The following CPSF7 variants were observed in gnomAD, a reference collection of about 807,000 sequenced individuals.
CPSF7 encodes the protein cleavage and polyadenylation specificity factor subunit 7.
Under a neutral mutation model 44.3 loss-of-function variants are expected in CPSF7, and 1 was observed. That is an observed-to-expected ratio of 0.02 (90% confidence interval 0.01 to 0.11). The LOEUF is 0.11. CPSF7 is among the 10% of genes least tolerant of loss of function. The pLI, the probability that CPSF7 is intolerant of heterozygous loss-of-function variation, is 1.00. For missense variants in CPSF7, 443 were observed against 607.2 expected (o/e 0.73, Z 2.84); for synonymous variants, 202 against 222.0 (o/e 0.91, Z 0.80).
In CPSF7 at chr11:61,403,492, GTTCA is replaced by G. The variant is rs1859056006; in HGVS notation, c.*1214_*1217del. On this transcript the variant is annotated 3_prime_UTR_variant, in exon 10 of 10. Transcript: ENST00000439958. The stretch of plus-strand genomic sequence containing the variant: ...GCTGGTCCTTAGAACTCTGAGCTGA[GTTCA>G]TTCAAGTCGGGCTCTGTTTCTTCTG... 1 of 152,176 alleles carries G rather than the reference GTTCA, an allele frequency of 6.6e-6. No individual in the cohort carries two copies. The highest frequency in any genetic ancestry group is 2.4e-5 in the African/African-American group (1 of 41,446). 9.4% of individuals were successfully genotyped at this position (152,176 alleles called of 1,614,324 possible).
At chr11:61,429,773 T>A in intron 1 of CPSF7, 141 bp downstream of exon 1, 1 of 1,546,504 alleles carries the variant, frequency 6.5e-7, no homozygotes, top group Non-Finnish European at 8.7e-7. Context: ...CGGCGCGCTC[T>A]GCCTCCTCCC....
intron 8 of CPSF7, 39 bp downstream of exon 8, chr11:61,411,730 G>C (rs777610589): frequency 7.0e-6 from 11 of 1,580,626 alleles, no homozygotes; most frequent in Non-Finnish European, 1.7e-6. Context: ...GAAGAGTGCT[G>C]CTTGGGGCTG....
chr11:61,424,513 C>T (rs1387253033), intron 2 of CPSF7, among the ~76,000 whole-genome samples: 1 of 152,070 alleles, frequency 6.6e-6, no homozygotes, highest in Non-Finnish European at 1.5e-5. Flanking sequence ...AGTGCAGTGG[C>T]GCAATCTTGG....
rs1860267132 is a variant in CPSF7 at position 61,415,757 on chromosome 11, T to C, written c.966A>G (p.Thr322=). Residue 322 remains threonine (T), a synonymous_variant, in exon 7 of 10, where the codon ACA becomes ACG. Transcript: ENST00000439958. ...GSRDSGPPPS[T]VSEAEFEDIM... is the part of the protein sequence containing the mutation. ...TATCTTCAAATTCGGCTTCACTCAC[T>C]GTAGAGGGTGGAGGGCCCGAATCTC... The C allele has an allele frequency of 3.7e-6, 6 of 1,613,816 alleles. No homozygotes were observed. The highest frequency in any genetic ancestry group is 5.1e-6 in the Non-Finnish European group (6 of 1,179,762).
At chr11:61,421,733 C>T (rs1860898874) in intron 2 of CPSF7, 125 bp from the exon 3 acceptor site, 1 of 674,880 alleles carries the variant, frequency 1.5e-6, no homozygotes, top group Non-Finnish European at 2.5e-6. Context: ...CTTGTCCTAC[C>T]CCAGGAAACA....
chr11:61,429,648 C>T (rs1157958992), intron 1 of CPSF7: 10 of 1,239,380 alleles, frequency 8.1e-6, no homozygotes, highest in Non-Finnish European at 1.0e-5. Flanking sequence ...GCCCCCAAGG[C>T]GGCTCCGGCC....
chr11:61,409,665 T>C (rs548330496), intron 9 of CPSF7, among the ~76,000 whole-genome samples: 1 of 3,898 alleles, frequency 2.6e-4, no homozygotes, highest in African/African-American at 4.8e-4. Context: ...AAATAAACCG[T>C]TTTTTTTTTT....
At position 61,420,541 on chromosome 11, in the gene CPSF7, A is replaced by T; in HGVS notation, c.306T>A (p.Ile102=). ...CCACATCATAGACTCCTATAGAGCG[A>T]ATAACCTGGATCAGCTGCTGGTCTG... The part of the protein sequence containing the change: ...WTTDQQLIQV[I]RSIGVYDVVE... The change falls in exon 4 of 10, where the codon ATT becomes ATA. Residue 102 remains isoleucine (I), a synonymous_variant. Transcript: ENST00000439958. 6.2e-7 allele frequency: 1 copy of T among 1,614,186 alleles called. No individual in the cohort carries two copies. Among genetic ancestry groups the T allele is most frequent in the Non-Finnish European group, 8.5e-7 (1 of 1,180,026 alleles).
Position 61,420,556 on chromosome 11 carries a change from C to G in CPSF7, c.291G>C (p.Gln97His). ...CTATAGAGCGAATAACCTGGATCAG[C>G]TGCTGGTCTGTGGTCCACTGGGGCC... ...GSFSWWTTDQ[Q>H]LIQVIRSIGV... The change falls in exon 4 of 10, where the codon CAG becomes CAC. Residue 97 changes from glutamine to histidine, a missense_variant. Physicochemically the swap from Gln to His is conservative, Grantham distance 24. Transcript: ENST00000439958. 6.2e-7 allele frequency: 1 copy of G among 1,614,088 alleles called. No individual in the cohort carries two copies. The highest frequency in any genetic ancestry group is 1.7e-5 in the Admixed American group (1 of 60,018).
intron 5 of CPSF7, among the ~76,000 whole-genome samples, chr11:61,417,125 T>A (rs1860410670): frequency 6.6e-6 from 1 of 151,926 alleles, no homozygotes; most frequent in African/African-American, 2.4e-5. Context: ...AAGTGAAAGA[T>A]AAGAAAAATT....
At chr11:61,423,345 G>C (rs967047410) in intron 2 of CPSF7, among the ~76,000 whole-genome samples, 1 of 151,692 alleles carries the variant, frequency 6.6e-6, no homozygotes, top group East Asian at 2.0e-4. Context: ...GCTAATTTTT[G>C]TATTTTTAGT....
At chr11:61,413,691 C>T (rs560053811) in intron 7 of CPSF7, among the ~76,000 whole-genome samples, 1 of 151,898 alleles carries the variant, frequency 6.6e-6, no homozygotes, top group East Asian at 1.9e-4. Flanking sequence ...CATTTCCCAA[C>T]TCTGAGTAAT....
chr11:61,429,123 G>A, intron 2 of CPSF7, 59 bp downstream of exon 2: 1 of 1,008,652 alleles, frequency 9.9e-7, no homozygotes, highest in Non-Finnish European at 1.6e-6. Flanking sequence ...CTGCCAGTTT[G>A]CTGAAAATGA....
chr11:61,412,093 G>A (rs1281912280), intron 7 of CPSF7, among the ~76,000 whole-genome samples, 156 bp from the exon 8 acceptor site: 2 of 152,138 alleles, frequency 1.3e-5, no homozygotes, highest in East Asian at 3.8e-4. Context: ...TGTAAAACTG[G>A]ATGACACCTA....
At chr11:61,425,538 CATGTGTGATTTTCAATTT>C (rs1040338465) in intron 2 of CPSF7, among the ~76,000 whole-genome samples, 3 of 152,150 alleles carry the variant, frequency 2.0e-5, no homozygotes, top group African/African-American at 7.2e-5. Flanking sequence ...CAAAAGAGAA[CATGTGTGATTTTCAATTT>C]AAATAAGATC....
intron 5 of CPSF7, among the ~76,000 whole-genome samples, chr11:61,418,192 G>C (rs1382250437): frequency 6.6e-6 from 1 of 152,196 alleles, no homozygotes; most frequent in Non-Finnish European, 1.5e-5. Flanking sequence ...CAAGAGCAAA[G>C]TGGTCCTATT....
intron 2 of CPSF7, 63 bp downstream of exon 2, chr11:61,429,119 G>T: frequency 1.0e-6 from 1 of 991,592 alleles, no homozygotes; most frequent in Non-Finnish European, 1.6e-6. Context: ...ACCACTGCCA[G>T]TTTGCTGAAA....
Position 61,402,909 on chromosome 11 carries a change from A to G in CPSF7, c.*1801T>C, listed in dbSNP as rs1249131861. On this transcript the variant is annotated 3_prime_UTR_variant, in exon 10 of 10. Transcript: ENST00000439958. ...GTAAAAACAAAACAAATGGGGAGAAAAAAATTCTCCGGGTAAACGGCATTT... is the reference window on the plus strand; with the variant it reads ...GTAAAAACAAAACAAATGGGGAGAAGAAAATTCTCCGGGTAAACGGCATTT... The G allele has an allele frequency of 1.3e-5, 2 of 152,490 alleles. No homozygotes were observed. The highest frequency in any genetic ancestry group is 1.3e-4 in the Admixed American group (2 of 15,266). The allele number at this position is 152,490 out of a possible 1,614,324, so 9.4% of individuals were successfully genotyped here. A position where few individuals can be genotyped will look rare whatever the true frequency, so the allele number is the denominator to read the frequency against.
rs180819290 is a variant in CPSF7 at position 61,403,173 on chromosome 11, A to G, written c.*1537T>C. ...CTGCGGGGGACTCCCTCAGTGACTG[A>G]GGGCTATATGAGAAACGTGCTGGGA... On this transcript the variant is annotated 3_prime_UTR_variant, in exon 10 of 10. Coordinates refer to ENST00000439958, the MANE Select transcript of CPSF7 (RefSeq NM_001142565.3). 1.4e-3 allele frequency: 221 copies of G among 152,580 alleles called. No individual in the cohort carries two copies. The highest frequency in any genetic ancestry group is 2.3e-3 in the Non-Finnish European group (155 of 68,012). The allele number at this position is 152,580 out of a possible 1,614,324, so 9.5% of individuals were successfully genotyped here.
Sources: allele counts gnomAD v4.1 joint callset (sites outside exome capture counted in the v4.1 genomes callset), GRCh38; gene constraint gnomAD v4.1.1; transcripts MANE v1.5; gene names NCBI Gene and HGNC (gene_info 2026-07-23, HGNC 2026-07-21).